RNLS: variants seen among roughly 807,000 people sequenced by gnomAD.
RNLS encodes renalase.
Under a neutral mutation model 39.8 loss-of-function variants are expected in RNLS, and 39 were observed. The ratio of observed to expected loss-of-function variants is 0.98; its 90% CI spans 0.76 to 1.28. The LOEUF (loss-of-function observed/expected upper bound fraction) is 1.28. Among genes scored for constraint, RNLS ranks in the 50% most tolerant of loss-of-function variants. The pLI, the probability that RNLS is intolerant of heterozygous loss-of-function variation, is 0.00. For missense variants in RNLS, 410 were observed against 413.3 expected (o/e 0.99, Z 0.07); for synonymous variants, 147 against 150.7 (o/e 0.98, Z 0.18).
intron 4 of RNLS, among the ~76,000 whole-genome samples, chr10:88,526,710 G>A (rs1182392358): frequency 2.0e-5 from 3 of 151,646 alleles, no homozygotes; most frequent in African/African-American, 7.3e-5. Flanking sequence ...AGGTTACAGT[G>A]AGCTGGAATC....
At chr10:88,357,174 C>T (rs950308226) in intron 5 of RNLS, among the ~76,000 whole-genome samples, 12 of 152,202 alleles carry the variant, frequency 7.9e-5, no homozygotes, top group African/African-American at 1.4e-4. Context: ...TTCATATGTT[C>T]GAATCATTTA....
At chr10:88,203,291 C>T in the RNLS span, among the ~76,000 whole-genome samples, 73 of 1,496 alleles carry the variant, frequency 0.049, no homozygotes, top group Non-Finnish European at 0.066. Context: ...TATATATATA[C>T]GTATGTATAT....
chr10:88,538,735 A>G (rs1206785189), intron 4 of RNLS, among the ~76,000 whole-genome samples: 1 of 152,102 alleles, frequency 6.6e-6, no homozygotes, highest in East Asian at 1.9e-4. Context: ...TTATTCTACC[A>G]TTTCCTTTCT....
intron 4 of RNLS, among the ~76,000 whole-genome samples, chr10:88,365,382 T>TAG (rs58188720): frequency 0.76 from 115,267 of 151,526 alleles, 44,266 homozygotes; most frequent in African/African-American, 0.86. Flanking sequence ...AGCAAAACAA[T>TAG]ATTCTTTCTT....
chr10:88,232,611 C>T, the RNLS span, among the ~76,000 whole-genome samples: 3,406 of 152,274 alleles, frequency 0.022, 122 homozygotes, highest in African/African-American at 0.076. Context: ...AGACTTCTGA[C>T]TCCTAACACA....
chr10:88,491,880 C>T (rs1844898520), intron 4 of RNLS, among the ~76,000 whole-genome samples: 1 of 151,346 alleles, frequency 6.6e-6, no homozygotes, highest in Non-Finnish European at 1.5e-5. Flanking sequence ...TGTAAAGATT[C>T]CAACCCAATT....
At chr10:88,282,173 G>C (rs1843034521), downstream of RNLS, among the ~76,000 whole-genome samples, 1 of 152,128 alleles carries the variant, frequency 6.6e-6, no homozygotes, top group Admixed American at 6.6e-5. Flanking sequence ...TTAGACTCCT[G>C]TATATATCAC....
intron 6 of RNLS, among the ~76,000 whole-genome samples, chr10:88,300,667 C>A (rs1254443192): frequency 1.3e-5 from 2 of 152,114 alleles, no homozygotes; most frequent in South Asian, 2.1e-4. Context: ...GTTACCCTTG[C>A]TGATTGATTA....
intron 4 of RNLS, among the ~76,000 whole-genome samples, chr10:88,380,826 G>A (rs1589695234): frequency 6.6e-6 from 1 of 152,018 alleles, no homozygotes; most frequent in East Asian, 1.9e-4. Context: ...ATTTTACATG[G>A]TATGGGACAG....
chr10:88,518,206 AG>A (rs1846515270), intron 4 of RNLS, among the ~76,000 whole-genome samples: 1 of 151,910 alleles, frequency 6.6e-6, no homozygotes, highest in African/African-American at 2.4e-5. Flanking sequence ...AGGGGCTTTC[AG>A]AAAACTTGGC....
chr10:88,288,243 A>G (rs1843418995), intron 6 of RNLS, among the ~76,000 whole-genome samples: 1 of 152,170 alleles, frequency 6.6e-6, no homozygotes, highest in Non-Finnish European at 1.5e-5. Flanking sequence ...CTTATTTTAT[A>G]CATAAGAAAG....
At chr10:88,298,347 T>C (rs192123309) in intron 6 of RNLS, among the ~76,000 whole-genome samples, 33 of 152,326 alleles carry the variant, frequency 2.2e-4, no homozygotes, top group African/African-American at 7.2e-4. Context: ...TGCAGTCCAG[T>C]CCAAATTATC....
the RNLS span, among the ~76,000 whole-genome samples, chr10:88,228,600 C>T: frequency 6.6e-6 from 1 of 152,230 alleles, no homozygotes; most frequent in East Asian, 1.9e-4. Flanking sequence ...ACTACTTCTT[C>T]GGTGTCCACC....
intron 5 of RNLS, among the ~76,000 whole-genome samples, chr10:88,352,651 C>T (rs1848807046): frequency 6.6e-6 from 1 of 152,152 alleles, no homozygotes. Flanking sequence ...GGATATTGGC[C>T]TAAGGTTCTC....
At chr10:88,305,944 C>T (rs1844883638) in intron 6 of RNLS, among the ~76,000 whole-genome samples, 1 of 152,158 alleles carries the variant, frequency 6.6e-6, no homozygotes, top group Admixed American at 6.5e-5. Context: ...AACTCCTCAG[C>T]AAATGCAAAA....
At chr10:88,227,896 C>A in the RNLS span, among the ~76,000 whole-genome samples, 3 of 152,142 alleles carry the variant, frequency 2.0e-5, no homozygotes, top group African/African-American at 7.2e-5. Context: ...CAAATTCCAG[C>A]CTCTGCTTGC....
rs76737217 is a variant in RNLS at position 88,420,731 on chromosome 10, A to G, written c.527-58006T>C. Reference sequence around the variant, plus strand: ...ATAAGATAACATTTACAGATTCCAAAGGTCATAATGTGAACATACGTGGGG... The same window carrying G: ...ATAAGATAACATTTACAGATTCCAAGGGTCATAATGTGAACATACGTGGGG... On this transcript the variant is annotated intron_variant, in intron 4 of 6. Transcript: ENST00000331772. 5.3e-3 allele frequency among the ~76,000 whole-genome samples: 811 copies of G among 152,370 alleles called. 7 individuals are homozygous for G. The highest frequency in any genetic ancestry group is 0.019 in the African/African-American group (791 of 41,592).
At position 88,285,197 on chromosome 10, in the gene RNLS, T is replaced by C; in HGVS notation, c.*157A>G. 1.5e-6 allele frequency: 2 copies of C among 1,294,502 alleles called. No individual in the cohort carries two copies. The highest frequency in any genetic ancestry group is 2.0e-6 in the Non-Finnish European group (2 of 1,016,198). 80.2% of individuals were successfully genotyped at this position (1,294,502 alleles called of 1,614,324 possible). On this transcript the variant is annotated 3_prime_UTR_variant, in exon 7 of 7. Transcript: ENST00000331772. ...CTAGCATGGGTTGTAACTATCAAAA[T>C]TACAAAATTGATTTTATACTCCACA...
At chr10:88,491,612 A>G (rs1177887039) in intron 4 of RNLS, among the ~76,000 whole-genome samples, 3 of 152,196 alleles carry the variant, frequency 2.0e-5, no homozygotes, top group African/African-American at 7.2e-5. Flanking sequence ...CTATTCCCAG[A>G]GAAAACCTAT....
Sources: gnomAD v4.1 joint callset for allele counts (sites outside exome capture counted in the v4.1 genomes callset) on GRCh38, gnomAD v4.1.1 for gene constraint, MANE v1.5 for transcripts, NCBI Gene and HGNC (gene_info 2026-07-23, HGNC 2026-07-21) for gene names.